DIAPH3: variants seen among roughly 807,000 people sequenced by gnomAD.
The protein encoded by DIAPH3 is diaphanous related formin 3, also known as protein diaphanous homolog 3.
A neutral mutation model predicts 144.3 loss-of-function variants in DIAPH3; 117 were observed. That is an observed-to-expected ratio of 0.81 (90% CI 0.70 to 0.95). The LOEUF (loss-of-function observed/expected upper bound fraction) is 0.95, where lower values mean the gene tolerates loss of function less well. DIAPH3 is among the 40% of genes least tolerant of loss of function. The pLI is 0.00. For synonymous variants in DIAPH3, 519 were observed against 488.9 expected (o/e 1.06, Z -0.81); for missense variants, 1,421 against 1,412.7 (o/e 1.01, Z -0.09).
chr13:59,729,340 G>A (rs1317205224), intron 27 of DIAPH3, among the ~76,000 whole-genome samples: 1 of 152,054 alleles, frequency 6.6e-6, no homozygotes, highest in Non-Finnish European at 1.5e-5. Context: ...GCTGTGAGCA[G>A]GCACAGAGAT....
chr13:59,765,037 T>C lies in DIAPH3; in HGVS notation c.3319+9152A>G, dbSNP rs192672922. On this transcript the variant is annotated intron_variant, in intron 27 of 27. Coordinates refer to ENST00000400324, the MANE Select transcript of DIAPH3 (RefSeq NM_001042517.2). ...ATGTCACAGGTGCTGGGAATTGTTTTTGTAACTCTTTCTCTTGGTGGCTCT... is the reference window on the plus strand; with the variant it reads ...ATGTCACAGGTGCTGGGAATTGTTTCTGTAACTCTTTCTCTTGGTGGCTCT... Among the ~76,000 whole-genome samples, 573 of 152,262 alleles carry C rather than the reference T, an allele frequency of 3.8e-3. 3 individuals are homozygous for C. Among genetic ancestry groups the C allele is most frequent in the African/African-American group, 0.013 (547 of 41,548 alleles).
At chr13:59,757,621 C>T (rs757533025) in intron 27 of DIAPH3, among the ~76,000 whole-genome samples, 3 of 151,852 alleles carry the variant, frequency 2.0e-5, no homozygotes, top group Non-Finnish European at 2.9e-5. Flanking sequence ...AGGTTGGTCT[C>T]GATCTCCTGA....
intron 27 of DIAPH3, among the ~76,000 whole-genome samples, chr13:59,707,985 TA>T (rs34813239): frequency 0.035 from 4,943 of 142,598 alleles, 264 homozygotes; most frequent in African/African-American, 0.12. Flanking sequence ...CTCTCATCTT[TA>T]AAAAAAAAAA....
intron 27 of DIAPH3, among the ~76,000 whole-genome samples, chr13:59,709,491 A>G (rs1456576183): frequency 6.6e-6 from 1 of 152,228 alleles, no homozygotes; most frequent in African/African-American, 2.4e-5. Flanking sequence ...AACACATGAA[A>G]AAATGCTCAC....
intron 20 of DIAPH3, among the ~76,000 whole-genome samples, chr13:59,909,342 G>GTTT (rs60579690): frequency 1.6e-5 from 2 of 126,832 alleles, no homozygotes; most frequent in Non-Finnish European, 3.5e-5. Context: ...CCAGTATTTT[G>GTTT]TTTTTTTTTT....
rs2047688285 is a variant in DIAPH3 at position 59,925,017 on chromosome 13, C to A, written c.2075-147G>T. 1.2e-5 allele frequency: 17 copies of A among 1,383,502 alleles called. No individual in the cohort carries two copies. The South Asian group carries it at 2.5e-4, about 20-fold the overall frequency. The allele number at this position is 1,383,502 out of a possible 1,614,324, so 85.7% of individuals were successfully genotyped here. A position where few individuals can be genotyped will look rare whatever the true frequency, so the allele number is the denominator to read the frequency against. Reference sequence around the variant, plus strand: ...TAAAAACAAATAAAACGATAGATATCCCAAGACCTGAACTGTTGAAGATAG... The same window carrying A: ...TAAAAACAAATAAAACGATAGATATACCAAGACCTGAACTGTTGAAGATAG... On this transcript the variant is annotated intron_variant, in intron 17 of 27. Coordinates refer to ENST00000400324, the MANE Select transcript of DIAPH3 (RefSeq NM_001042517.2).
chr13:59,725,200 A>G (rs1201577828), intron 27 of DIAPH3, among the ~76,000 whole-genome samples: 1 of 152,222 alleles, frequency 6.6e-6, no homozygotes, highest in Non-Finnish European at 1.5e-5. Context: ...ATTTTCAATC[A>G]GCCTAATATG....
chr13:60,092,428 G>T (rs1006344588), intron 4 of DIAPH3, among the ~76,000 whole-genome samples: 2 of 152,092 alleles, frequency 1.3e-5, no homozygotes, highest in African/African-American at 4.8e-5. Context: ...CAAGGCGGGC[G>T]GATCACGAGG....
chr13:60,076,618 C>T (rs1433298460), intron 4 of DIAPH3, among the ~76,000 whole-genome samples: 2 of 152,044 alleles, frequency 1.3e-5, no homozygotes, highest in Admixed American at 6.6e-5. Context: ...AGATAAATGC[C>T]TCATCTTTGG....
rs1452756369 is a variant in DIAPH3 at position 60,112,020 on chromosome 13, T to C, written c.380A>G (p.Glu127Gly). 1.2e-6 allele frequency: 2 copies of C among 1,614,108 alleles called. No homozygotes were observed. The highest frequency in any genetic ancestry group is 1.7e-6 in the Non-Finnish European group (2 of 1,179,996). ...LSENELLELF[E>G]KMMEDMNLNE... ...AATCAAAATTCTTACCATCATTTTT[T>C]CAAAAAGTTCTAAGAGTTCATTCTC... The change falls in exon 3 of 28, where the codon GAA (glutamate) becomes GGA (glycine). Residue 127 changes from glutamate to glycine, a missense_variant. Physicochemically the swap from Glu to Gly is moderately conservative, Grantham distance 98 (BLOSUM62 -2). Transcript: ENST00000400324.
At chr13:60,039,966 T>A (rs937696445) in intron 5 of DIAPH3, among the ~76,000 whole-genome samples, 1 of 152,052 alleles carries the variant, frequency 6.6e-6, no homozygotes, top group Non-Finnish European at 1.5e-5. Flanking sequence ...CCTGGCACAG[T>A]GGCTTACACC....
intron 1 of DIAPH3, among the ~76,000 whole-genome samples, chr13:60,146,916 G>A (rs1951551587): frequency 6.6e-6 from 1 of 152,170 alleles, no homozygotes; most frequent in Non-Finnish European, 1.5e-5. Flanking sequence ...GATCTCACAA[G>A]GATGTGAAGA....
intron 25 of DIAPH3, among the ~76,000 whole-genome samples, chr13:59,802,679 T>TTA (rs1555301855): frequency 7.1e-5 from 5 of 70,306 alleles, no homozygotes; most frequent in Non-Finnish European, 1.5e-4. Context: ...TTTTTTTTTT[T>TTA]TTTTTTTTTT....
chr13:60,031,095 G>C lies in DIAPH3; in HGVS notation c.626+11595C>G, dbSNP rs1043418763. ...GGTTAATTGGCTCGCAGTTCTGCAG[G>C]TTGTACAGGAGGTATGGCGCCAGCA... On this transcript the variant is annotated intron_variant, in intron 5 of 27. Transcript: ENST00000400324. 5.3e-5 allele frequency among the ~76,000 whole-genome samples: 8 copies of C among 152,196 alleles called. No individual in the cohort carries two copies. In the South Asian group the frequency reaches 1.7e-3, roughly 32 times the overall value.
chr13:60,031,243 C>T (rs1357303868), intron 5 of DIAPH3, among the ~76,000 whole-genome samples: 1 of 151,920 alleles, frequency 6.6e-6, no homozygotes, highest in Non-Finnish European at 1.5e-5. Flanking sequence ...GGTGGGGAGG[C>T]AAACTTGTAA....
intron 27 of DIAPH3, among the ~76,000 whole-genome samples, chr13:59,703,860 A>T (rs2034262587): frequency 6.6e-6 from 1 of 152,050 alleles, no homozygotes; most frequent in Non-Finnish European, 1.5e-5. Flanking sequence ...GAAAACAAAA[A>T]CCTAGGAGGC....
At chr13:59,682,905 A>G (rs1456555562) in intron 27 of DIAPH3, among the ~76,000 whole-genome samples, 1 of 152,200 alleles carries the variant, frequency 6.6e-6, no homozygotes, top group African/African-American at 2.4e-5. Flanking sequence ...AACTATTCAA[A>G]GTAGAGTCTA....
chr13:59,862,768 A>G (rs2139940352), intron 21 of DIAPH3, among the ~76,000 whole-genome samples: 1 of 152,202 alleles, frequency 6.6e-6, no homozygotes, highest in Middle Eastern at 3.4e-3. Flanking sequence ...TTTTTTCCTA[A>G]CTGCACCTAT....
At chr13:60,013,376 G>A (rs1240839307) in intron 7 of DIAPH3, 1 of 199,636 alleles carries the variant, frequency 5.0e-6, no homozygotes, top group Non-Finnish European at 9.0e-6. Flanking sequence ...CCCACAGTGA[G>A]TTAATCCCAG....
Sources: allele counts gnomAD v4.1 joint callset (sites outside exome capture counted in the v4.1 genomes callset), GRCh38; gene constraint gnomAD v4.1.1; transcripts MANE v1.5; gene names NCBI Gene and HGNC (gene_info 2026-07-23, HGNC 2026-07-21).